The following SGCD variants were observed in gnomAD, a reference collection of about 807,000 sequenced individuals.
SGCD encodes the protein delta-sarcoglycan.
A neutral mutation model predicts 36.6 loss-of-function variants in SGCD; 18 were observed. The observed-to-expected ratio is 0.49, with a 90% CI of 0.34 to 0.73. SGCD has a LOEUF of 0.73. Ranked by LOEUF, SGCD falls within the 30% of genes least tolerant of loss-of-function variation. SGCD has a pLI of 0.01. For synonymous variants in SGCD, 133 were observed against 130.6 expected, an observed-to-expected ratio of 1.02 and a Z score of -0.12; for missense variants, 387 against 346.7, an observed-to-expected ratio of 1.12 and a Z score of -0.92.
At chr5:156,293,864 A>G (rs1464165209) in intron 3 of SGCD, among the ~76,000 whole-genome samples, 1 of 152,184 alleles carries the variant, frequency 6.6e-6, no homozygotes, top group Non-Finnish European at 1.5e-5. Context: ...AAAAGAAAAG[A>G]AAAAGATATT....
At chr5:156,257,518 G>T (rs1453327731) in intron 3 of SGCD, among the ~76,000 whole-genome samples, 2 of 151,712 alleles carry the variant, frequency 1.3e-5, no homozygotes, top group Admixed American at 1.3e-4. Context: ...AATAGTGATG[G>T]TATTACAGTA....
the SGCD span, among the ~76,000 whole-genome samples, chr5:155,845,225 C>A: frequency 6.6e-6 from 1 of 152,142 alleles, no homozygotes; most frequent in Admixed American, 6.5e-5. Context: ...GCATGAAGCA[C>A]TTGGCATAGT....
chr5:155,902,028 CT>C (rs755350426), intron 1 of SGCD, among the ~76,000 whole-genome samples: 7 of 152,118 alleles, frequency 4.6e-5, no homozygotes, highest in African/African-American at 7.2e-5. Context: ...CAATCTGATT[CT>C]AAAGATTTAA....
chr5:156,643,611 G>C (rs1763122001), intron 6 of SGCD, among the ~76,000 whole-genome samples: 1 of 152,060 alleles, frequency 6.6e-6, no homozygotes, highest in Non-Finnish European at 1.5e-5. Context: ...AGGGAAAATT[G>C]TCAAAGGCCA....
chr5:156,007,849 C>A (rs150939498), intron 1 of SGCD, among the ~76,000 whole-genome samples: 116 of 152,292 alleles, frequency 7.6e-4, no homozygotes, highest in Middle Eastern at 3.4e-3. Context: ...AGAATACATT[C>A]TTTTAATGTC....
the SGCD span, among the ~76,000 whole-genome samples, chr5:155,734,675 T>A: frequency 2.4e-3 from 365 of 152,354 alleles, 1 homozygote; most frequent in South Asian, 6.8e-3. Flanking sequence ...TTGCTGAGAA[T>A]GTTGAAGAGA....
chr5:155,808,787 T>G, the SGCD span, among the ~76,000 whole-genome samples: 3 of 152,218 alleles, frequency 2.0e-5, no homozygotes, highest in Non-Finnish European at 4.4e-5. Flanking sequence ...AAAAATTTAT[T>G]GAGTGCTTCT....
the SGCD span, among the ~76,000 whole-genome samples, chr5:155,838,052 C>G: frequency 2.0e-5 from 3 of 152,158 alleles, no homozygotes; most frequent in Admixed American, 1.3e-4. Flanking sequence ...CAACTCCTAC[C>G]GATGCTCCCT....
chr5:156,178,953 C>A (rs6877647), intron 3 of SGCD, among the ~76,000 whole-genome samples: 1 of 152,146 alleles, frequency 6.6e-6, no homozygotes, highest in Non-Finnish European at 1.5e-5. Flanking sequence ...ATAGGTCCAA[C>A]GCATAGTCAC....
At chr5:155,880,060 C>T (rs986135695) in intron 1 of SGCD, among the ~76,000 whole-genome samples, 3 of 152,130 alleles carry the variant, frequency 2.0e-5, no homozygotes, top group South Asian at 2.1e-4. Flanking sequence ...ACTTCAAGAG[C>T]GCAGCCACTA....
chr5:156,075,410 A>G (rs1760746887), intron 1 of SGCD, among the ~76,000 whole-genome samples: 1 of 152,230 alleles, frequency 6.6e-6, no homozygotes, highest in Non-Finnish European at 1.5e-5. Context: ...CTACAAGGAT[A>G]GATTATGGGT....
At chr5:155,826,091 G>T in the SGCD span, among the ~76,000 whole-genome samples, 1 of 152,192 alleles carries the variant, frequency 6.6e-6, no homozygotes, top group Admixed American at 6.5e-5. Flanking sequence ...CCACTGAAAA[G>T]GTGAATCCTA....
At chr5:156,075,091 C>A (rs113360590) in intron 1 of SGCD, among the ~76,000 whole-genome samples, 2,814 of 152,224 alleles carry the variant, frequency 0.018, 80 homozygotes, top group African/African-American at 0.064. Flanking sequence ...AAAAGGACAT[C>A]TCTTCATTTA....
rs952068145 is a variant in SGCD, at chr5:156,079,948, T to C, written c.-281-37930T>C. 6.6e-5 allele frequency among the ~76,000 whole-genome samples: 10 copies of C among 152,220 alleles called. 1 individual carries two copies. Among genetic ancestry groups the C allele is most frequent in the Admixed American group, 5.2e-4 (8 of 15,290 alleles). On this transcript the variant is annotated intron_variant, in intron 1 of 9. Coordinates refer to the SGCD transcript ENST00000517913. ...TCAGCCCCACATTTTTTCTTTGTAC[T>C]GCCCTAGTAGAGGATTTCTGTGAGC...
intron 3 of SGCD, among the ~76,000 whole-genome samples, chr5:156,145,992 T>A (rs545325150): frequency 3.3e-5 from 5 of 152,266 alleles, no homozygotes; most frequent in African/African-American, 9.6e-5. Flanking sequence ...GGTGGGCGGA[T>A]CACGAGGTCA....
chr5:156,746,452 TA>T (rs1469707560), intron 7 of SGCD, among the ~76,000 whole-genome samples: 1 of 152,202 alleles, frequency 6.6e-6, no homozygotes, highest in African/African-American at 2.4e-5. Context: ...TAGACATAAA[TA>T]AATGTTGATT....
chr5:156,388,154 C>T (rs1368919508), intron 3 of SGCD, among the ~76,000 whole-genome samples: 3 of 152,154 alleles, frequency 2.0e-5, no homozygotes, highest in East Asian at 1.9e-4. Flanking sequence ...TTTGTTGACA[C>T]CACCACCAAC....
chr5:155,974,015 A>G (rs1045172499), intron 1 of SGCD, among the ~76,000 whole-genome samples: 1 of 152,218 alleles, frequency 6.6e-6, no homozygotes, highest in African/African-American at 2.4e-5. Flanking sequence ...TTAGCATTTT[A>G]TAAGCAAGTT....
At chr5:156,356,194 C>T (rs1223031759) in intron 3 of SGCD, among the ~76,000 whole-genome samples, 1 of 152,196 alleles carries the variant, frequency 6.6e-6, no homozygotes. Flanking sequence ...ATTTGTTTTA[C>T]TCATGATTCT....
Sources: gnomAD v4.1 joint callset for allele counts (sites outside exome capture counted in the v4.1 genomes callset) on GRCh38, gnomAD v4.1.1 for gene constraint, MANE v1.5 for transcripts, NCBI Gene and HGNC (gene_info 2026-07-23, HGNC 2026-07-21) for gene names.